The following MUC5B variants were observed in gnomAD, a reference collection of about 807,000 sequenced individuals.
The protein encoded by MUC5B is mucin 5B, oligomeric mucus/gel-forming, also known as mucin-5B.
In MUC5B, 116 loss-of-function variants were observed where a neutral mutation model predicts 376.9. The ratio of observed to expected loss-of-function variants is 0.31; its 90% CI spans 0.26 to 0.36. The LOEUF is 0.36. Among genes scored for constraint, MUC5B ranks in the 10% least tolerant of loss-of-function variants. MUC5B has a pLI of 1.00. For synonymous variants in MUC5B, 3,517 were observed against 3,390.9 expected (o/e 1.04, Z -1.29); for missense variants, 7,165 against 7,769.9 (o/e 0.92, Z 2.93).
rs752520757 is a variant in MUC5B, at chr11:1,248,384, C to A, written c.11504C>A (p.Thr3835Lys). The A allele has an allele frequency of 5.0e-6, 8 of 1,612,950 alleles. 1 individual carries two copies. In the South Asian group the frequency reaches 6.6e-5, roughly 13 times the overall value. ...SSTPETAHTS[T>K]VLTTTATTTR... The stretch of plus-strand genomic sequence containing the variant: ...ACTCCAGAGACTGCCCACACCTCCA[C>A]AGTGCTTACCACCACGGCCACCACA... Residue 3835 changes from threonine (T) to lysine (K), a missense_variant, in exon 31 of 49, where the codon ACA becomes AAA. Transcript: ENST00000529681.
At chr11:1,255,018 C>G in intron 35 of MUC5B, 23 bp from the exon 36 acceptor site, 3 of 1,563,392 alleles carry the variant, frequency 1.9e-6, no homozygotes, top group Non-Finnish European at 2.6e-6. Flanking sequence ...ATTCCAGCCC[C>G]GCGGTGACGC....
At position 1,254,443 on chromosome 11, in the gene MUC5B, G is replaced by T. The variant is rs906065610; in HGVS notation, c.15477+92G>T. 1.4e-5 allele frequency: 22 copies of T among 1,519,508 alleles called. No individual in the cohort carries two copies. The Admixed American group carries it at 4.1e-4, about 29-fold the overall frequency. The allele number at this position is 1,519,508 out of a possible 1,614,324, so 94.1% of individuals were successfully genotyped here. ...AGGCCGGGGTGACCCAGGTGCCGCA[G>T]CGATGGCCCAGTGCCCAAGACAGCT... On this transcript the variant is annotated intron_variant, in intron 34 of 48. Transcript: ENST00000529681.
chr11:1,226,912 G>A (rs749646962), intron 4 of MUC5B, 36 bp downstream of exon 4: 2 of 1,423,638 alleles, frequency 1.4e-6, no homozygotes, highest in South Asian at 2.3e-5. Flanking sequence ...CGAGGGCCGG[G>A]CCACACAGTG....
Position 1,246,384 on chromosome 11 carries a change from C to T in MUC5B, c.9504C>T (p.Ser3168=), listed in dbSNP as rs1315337819. 1.9e-5 allele frequency: 31 copies of T among 1,613,522 alleles called. No individual in the cohort carries two copies. Among genetic ancestry groups the T allele is most frequent in the Admixed American group, 3.3e-5 (2 of 60,002 alleles). Residue 3168 remains serine, a synonymous_variant, in exon 31 of 49, where the codon AGC becomes AGT. Transcript: ENST00000529681. ...CCACCTGGATCCTCACAGAGCCCAG[C>T]ACTACAGCCACCGTGACGGTGCCCA... The part of the protein sequence containing the change: ...PGTTWILTEP[S]TTATVTVPTG...
In MUC5B at chr11:1,230,071, C is replaced by T. The variant is rs2672810; in HGVS notation, c.1287C>T (p.Gly429=). 47,197 of 1,611,972 alleles carry T rather than the reference C, an allele frequency of 0.029. 897 individuals carry two copies. The highest frequency in any genetic ancestry group is 0.033 in the Non-Finnish European group (38,541 of 1,179,460). ...GCCCTGGCACCTGCTCTGTGCAGGG[C>T]GGGGCCCACATCTCCACCTATGATG... ...LPCPGTCSVQ[G]GAHISTYDEK... The change falls in exon 11 of 49, where the codon GGC becomes GGT. Residue 429 remains glycine, a synonymous_variant. Transcript: ENST00000529681.
chr11:1,251,868 T>C (rs1166211595), intron 31 of MUC5B, 125 bp downstream of exon 31: 3 of 736,616 alleles, frequency 4.1e-6, no homozygotes, highest in South Asian at 1.9e-5. Context: ...TGGCCTCACT[T>C]GGCCCCTCCC....
At position 1,226,645 on chromosome 11, in the gene MUC5B, G is replaced by A; in HGVS notation, c.230G>A (p.Cys77Tyr). 6.2e-7 allele frequency: 1 copy of A among 1,611,492 alleles called. No individual in the cohort carries two copies. The highest frequency in any genetic ancestry group is 8.5e-7 in the Non-Finnish European group (1 of 1,179,364). ...PLNPAHNGRV[C>Y]STWGDFHYKT... The stretch of plus-strand genomic sequence containing the variant: ...AACCCGGCGCACAATGGGCGGGTGT[G>A]CAGCACCTGGGGTGACTTCCACTAC... The change falls in exon 4 of 49, where the codon TGC becomes TAC. Residue 77 changes from cysteine to tyrosine, a missense_variant. Physicochemically the swap from Cys to Tyr is radical, Grantham distance 194 (BLOSUM62 -2). This residue lies in a region of MUC5B where 640 missense variants were observed against 733.0 expected (regional missense o/e 0.87). Coordinates refer to ENST00000529681, the MANE Select transcript of MUC5B (RefSeq NM_002458.3).
Position 1,245,356 on chromosome 11 carries a change from G to C in MUC5B, c.8476G>C (p.Gly2826Arg). The change falls in exon 31 of 49, where the codon GGG (glycine) becomes CGG (arginine). Residue 2826 changes from glycine to arginine, a missense_variant. Transcript: ENST00000529681. ...SRTTESPPSPGTTTPGHTRAT... is the reference protein window; with the variant it reads ...SRTTESPPSPRTTTPGHTRAT... ...GACCACCGAGTCACCCCCTTCTCCA[G>C]GGACGACCACCCCGGGCCACACCAG... 6.3e-7 allele frequency: 1 copy of C among 1,589,230 alleles called. No individual in the cohort carries two copies. The highest frequency in any genetic ancestry group is 8.6e-7 in the Non-Finnish European group (1 of 1,167,634).
chr11:1,247,490 C>T lies in MUC5B; in HGVS notation c.10610C>T (p.Ser3537Phe), dbSNP rs781440757. 1.2e-6 allele frequency: 2 copies of T among 1,608,380 alleles called. No homozygotes were observed. The highest frequency in any genetic ancestry group is 2.2e-5 in the South Asian group (2 of 90,898). ...ACCCCGGGCCACACCAGGGGCACCT[C>T]CAGGACCACAGCCACAGCCACACCC... ...TTTPGHTRGT[S>F]RTTATATPSK... is the part of the protein sequence containing the mutation. The change falls in exon 31 of 49, where the codon TCC (serine) becomes TTC (phenylalanine). Residue 3537 changes from serine (S) to phenylalanine (F), a missense_variant. Ser to Phe is a radical substitution (Grantham distance 155). Transcript: ENST00000529681.
At chr11:1,224,544 GTAGGGCCA>G (rs1861835786) in intron 1 of MUC5B, among the ~76,000 whole-genome samples, 1 of 135,174 alleles carries the variant, frequency 7.4e-6, no homozygotes, top group Non-Finnish European at 1.6e-5. Flanking sequence ...GGGAGGGGCT[GTAGGGCCA>G]GGGAGGGGCT....
Position 1,261,631 on chromosome 11 carries a change from T to C in MUC5B, c.*23T>C, listed in dbSNP as rs1016579145. 1.3e-5 allele frequency: 21 copies of C among 1,577,978 alleles called. No individual in the cohort carries two copies. Among genetic ancestry groups the C allele is most frequent in the Admixed American group, 1.8e-5 (1 of 56,068 alleles). On this transcript the variant is annotated 3_prime_UTR_variant, in exon 49 of 49. Transcript: ENST00000529681. ...TGAGAACGTTCTGCCTCCATCCCCA[T>C]GCTCTGTCCACCTGGAGCCAGGATG...
At chr11:1,231,392 C>A in intron 13 of MUC5B, 31 bp from the exon 14 acceptor site, 1 of 1,591,450 alleles carries the variant, frequency 6.3e-7, no homozygotes, top group Non-Finnish European at 8.6e-7. Context: ...CCCTGCACCC[C>A]TGACCGGCCT....
In MUC5B at chr11:1,234,339, G is replaced by GC; in HGVS notation, c.2478+34_2478+35insC. 2 of 825,022 alleles carry GC rather than the reference G, an allele frequency of 2.4e-6. No individual in the cohort carries two copies. The highest frequency in any genetic ancestry group is 4.0e-6 in the Non-Finnish European group (2 of 497,820). 51.1% of individuals were successfully genotyped at this position (825,022 alleles called of 1,614,324 possible). On this transcript the variant is annotated intron_variant, in intron 20 of 48. Transcript: ENST00000529681. This position sits in a 1 kb window ranked among gnomAD's most constrained non-coding sequence, Gnocchi z 6.3. Reference sequence around the variant, plus strand: ...CATGCTTCAGGGAGGGGTGGGCAGGGAAGGGGTCCCAGCTTTCCCAGCTCC... The same window carrying GC: ...CATGCTTCAGGGAGGGGTGGGCAGGGCAAGGGGTCCCAGCTTTCCCAGCTCC...
chr11:1,235,285 T>TG lies in MUC5B; in HGVS notation c.2770-17dup. 1 of 1,610,404 alleles carries TG rather than the reference T, an allele frequency of 6.2e-7. No individual in the cohort carries two copies. Reference sequence around the variant, plus strand: ...ACACTCCAGCCCGCGGCCAGCAGCTTGTCTCTTTCTGGCCCAGGACTACTG... The same window carrying TG: ...ACACTCCAGCCCGCGGCCAGCAGCTTGGTCTCTTTCTGGCCCAGGACTACTG... On this transcript the variant is annotated splice_polypyrimidine_tract_variant and intron_variant, in intron 22 of 48. Coordinates refer to ENST00000529681, the MANE Select transcript of MUC5B (RefSeq NM_002458.3).
chr11:1,244,852 A>G lies in MUC5B; in HGVS notation c.7972A>G (p.Thr2658Ala), dbSNP rs764109012. ...TPSSIPGTTH[T>A]PTVLTTTTTT... ...CTCCTCCATCCCGGGGACCACCCAC[A>G]CCCCCACAGTGCTGACCACCACCAC... Residue 2658 changes from threonine to alanine, a missense_variant, in exon 31 of 49, where the codon ACC becomes GCC. Coordinates refer to ENST00000529681, the MANE Select transcript of MUC5B (RefSeq NM_002458.3). 1 of 1,613,010 alleles carries G rather than the reference A, an allele frequency of 6.2e-7. No individual in the cohort carries two copies. The highest frequency in any genetic ancestry group is 8.5e-7 in the Non-Finnish European group (1 of 1,179,658).
intron 4 of MUC5B, 51 bp from the exon 5 acceptor site, chr11:1,226,980 G>GGGGGGCC: frequency 1.3e-6 from 1 of 796,872 alleles, no homozygotes; most frequent in South Asian, 1.4e-5. Context: ...GGTTGGGTGG[G>GGGGGGCC]CAGGCAGCCA....
In MUC5B at chr11:1,257,859, C is replaced by T. The variant is rs942560944; in HGVS notation, c.16450+149C>T. ...CGGCAGGACCACTCGGCAGAGATGGCCTCCAGGTGCTTCATTCTCCTCCTA... is the reference window on the plus strand; with the variant it reads ...CGGCAGGACCACTCGGCAGAGATGGTCTCCAGGTGCTTCATTCTCCTCCTA... On this transcript the variant is annotated intron_variant, in intron 41 of 48. Coordinates refer to ENST00000529681, the MANE Select transcript of MUC5B (RefSeq NM_002458.3). This position sits in a 1 kb window ranked among gnomAD's most constrained non-coding sequence, Gnocchi z 8.9. The T allele has an allele frequency of 4.3e-5, 45 of 1,035,548 alleles. No individual in the cohort carries two copies. The highest frequency in any genetic ancestry group is 5.6e-5 in the Non-Finnish European group (41 of 730,166). The allele number at this position is 1,035,548 out of a possible 1,614,324, so 64.1% of individuals were successfully genotyped here.
intron 46 of MUC5B, 98 bp downstream of exon 46, chr11:1,260,183 C>G: frequency 7.1e-7 from 1 of 1,411,456 alleles, no homozygotes; most frequent in Non-Finnish European, 9.6e-7. Context: ...AGGCCCCACC[C>G]CTGCTGGGGA....
Position 1,258,458 on chromosome 11 carries a change from G to C in MUC5B, c.16593+91G>C. 1 of 1,480,266 alleles carries C rather than the reference G, an allele frequency of 6.8e-7. No homozygotes were observed. The highest frequency in any genetic ancestry group is 9.2e-7 in the Non-Finnish European group (1 of 1,086,532). 91.7% of individuals were successfully genotyped at this position (1,480,266 alleles called of 1,614,324 possible). Reference sequence around the variant, plus strand: ...CTCTCTGAGCCCCACTCCTTGTCTTGACATTCCTGCCCTGAGGGCCGATCC... The same window carrying C: ...CTCTCTGAGCCCCACTCCTTGTCTTCACATTCCTGCCCTGAGGGCCGATCC... On this transcript the variant is annotated intron_variant, in intron 43 of 48. Transcript: ENST00000529681. This position sits in a 1 kb window ranked among gnomAD's most constrained non-coding sequence, Gnocchi z 5.5.
Sources: gnomAD v4.1 joint callset for allele counts (sites outside exome capture counted in the v4.1 genomes callset) on GRCh38, gnomAD v4.1.1 for gene constraint, gnomAD v4.1.1 regional missense constraint, Gnocchi (gnomAD v3.1) non-coding constraint, MANE v1.5 for transcripts, NCBI Gene and HGNC (gene_info 2026-07-23, HGNC 2026-07-21) for gene names.